MED12L: variants seen among roughly 807,000 people sequenced by gnomAD.
The protein encoded by MED12L is mediator complex subunit 12L.
In MED12L, 60 loss-of-function variants were observed where a neutral mutation model predicts 281.3. That is an observed-to-expected ratio of 0.21 (90% CI 0.17 to 0.26). The LOEUF (loss-of-function observed/expected upper bound fraction) is 0.26, where lower values mean the gene tolerates loss of function less well. Ranked by LOEUF, MED12L falls within the 10% of genes least tolerant of loss-of-function variation. The probability of loss-of-function intolerance (pLI) is 1.00; values close to 1 mark genes in which losing one functional copy is unlikely to be tolerated. For synonymous variants in MED12L, 974 were observed against 987.2 expected (o/e 0.99, Z 0.25); for missense variants, 2,146 against 2,680.9 (o/e 0.80, Z 4.41).
intron 9 of MED12L, 125 bp downstream of exon 9, chr3:151,164,167 A>G: frequency 3.1e-6 from 3 of 956,418 alleles, no homozygotes; most frequent in East Asian, 2.6e-5. Context: ...GCCTGCTAAC[A>G]CTCTGGGTGA....
chr3:151,198,967 T>C (rs1335111171), intron 16 of MED12L: 1 of 1,613,966 alleles, frequency 6.2e-7, no homozygotes, highest in Non-Finnish European at 8.5e-7. Flanking sequence ...GAAGGACCAT[T>C]AGCCACACAA....
chr3:151,285,009 A>G (rs943800457), intron 16 of MED12L, among the ~76,000 whole-genome samples: 1 of 152,182 alleles, frequency 6.6e-6, no homozygotes, highest in African/African-American at 2.4e-5. Context: ...TGTGGTCTGA[A>G]TGTTTGTGTC....
chr3:151,180,038 G>A (rs2149048601), intron 11 of MED12L, among the ~76,000 whole-genome samples: 1 of 152,270 alleles, frequency 6.6e-6, no homozygotes, highest in East Asian at 1.9e-4. Flanking sequence ...TTGGTATCTA[G>A]CTAGTATTGG....
At chr3:151,203,193 CCATTG>C (rs1331732092) in intron 16 of MED12L, 1 of 152,154 alleles carries the variant, frequency 6.6e-6, no homozygotes, top group Non-Finnish European at 1.5e-5. Flanking sequence ...AGTAGCAACC[CCATTG>C]CAGGCTGCTG....
chr3:151,087,974 A>C (rs773961791), intron 2 of MED12L, among the ~76,000 whole-genome samples: 1 of 152,010 alleles, frequency 6.6e-6, no homozygotes, highest in Admixed American at 6.6e-5. Flanking sequence ...TCAGCTAAAC[A>C]CGAACTGACC....
intron 21 of MED12L, 98 bp downstream of exon 21, chr3:151,360,703 T>G: frequency 8.6e-7 from 1 of 1,156,708 alleles, no homozygotes; most frequent in Admixed American, 2.4e-5. Context: ...TGAAAGCTAA[T>G]TGCAATTGTA....
At position 151,192,534 on chromosome 3, in the gene MED12L, C is replaced by T; in HGVS notation, c.1969-16C>T. On this transcript the variant is annotated splice_polypyrimidine_tract_variant and intron_variant, in intron 14 of 44. Coordinates refer to ENST00000687756, the MANE Select transcript of MED12L (RefSeq NM_001393769.1). Reference sequence around the variant, plus strand: ...CAAAACTTACAATGTTACTTTCTTTCTCTGGCGATTATCAGGAACAGAGTA... The same window carrying T: ...CAAAACTTACAATGTTACTTTCTTTTTCTGGCGATTATCAGGAACAGAGTA... 6.7e-7 allele frequency: 1 copy of T among 1,500,814 alleles called. No homozygotes were observed. Among genetic ancestry groups the T allele is most frequent in the Non-Finnish European group, 9.0e-7 (1 of 1,114,934 alleles). 93.0% of individuals were successfully genotyped at this position (1,500,814 alleles called of 1,614,324 possible).
chr3:151,196,957 C>A (rs371286691), intron 16 of MED12L, among the ~76,000 whole-genome samples: 1 of 152,106 alleles, frequency 6.6e-6, no homozygotes, highest in Admixed American at 6.5e-5. Context: ...GATTTACCAG[C>A]GGTTTTTATA....
At chr3:151,102,159 C>T (rs1721466296) in intron 2 of MED12L, among the ~76,000 whole-genome samples, 3 of 152,090 alleles carry the variant, frequency 2.0e-5, no homozygotes, top group Admixed American at 2.0e-4. Flanking sequence ...ATTAAAAGGG[C>T]CCTTGTAGCT....
rs535836726 is a variant in MED12L, at chr3:151,432,702, T to C, written c.6491-50T>C. 7.9e-6 allele frequency: 11 copies of C among 1,386,476 alleles called. No individual in the cohort carries two copies. In the African/African-American group the frequency reaches 1.4e-4, roughly 18 times the overall value. The allele number at this position is 1,386,476 out of a possible 1,614,324, so 85.9% of individuals were successfully genotyped here. A position where few individuals can be genotyped will look rare whatever the true frequency, so the allele number is the denominator to read the frequency against. ...GTGACAAGAGGGTAGCATCCATCTG[T>C]GCAATAGTTTTGTGTCTGTAATTTT... On this transcript the variant is annotated intron_variant, in intron 44 of 44. Transcript: ENST00000687756.
intron 16 of MED12L, among the ~76,000 whole-genome samples, chr3:151,244,303 A>G (rs1577094753): frequency 1.6e-5 from 2 of 125,618 alleles, no homozygotes; most frequent in Non-Finnish European, 3.6e-5. Context: ...CCCCAAATCA[A>G]CAGAATATAC....
intron 5 of MED12L, among the ~76,000 whole-genome samples, chr3:151,146,544 A>G (rs1717785497): frequency 6.6e-6 from 1 of 152,006 alleles, no homozygotes; most frequent in Non-Finnish European, 1.5e-5. Context: ...GATGGGTTTT[A>G]TTTTATTTGA....
chr3:151,310,500 G>A (rs900555577), intron 16 of MED12L, among the ~76,000 whole-genome samples: 1 of 152,170 alleles, frequency 6.6e-6, no homozygotes, highest in African/African-American at 2.4e-5. Context: ...ACTCATGGGA[G>A]AAAGTTATTT....
At chr3:151,182,759 G>A (rs1206134944) in intron 11 of MED12L, among the ~76,000 whole-genome samples, 1 of 152,128 alleles carries the variant, frequency 6.6e-6, no homozygotes, top group Non-Finnish European at 1.5e-5. Context: ...TGTATTTGAG[G>A]GGTAAGATGA....
At chr3:151,321,509 T>C (rs1748995722) in intron 16 of MED12L, among the ~76,000 whole-genome samples, 1 of 151,968 alleles carries the variant, frequency 6.6e-6, no homozygotes, top group Non-Finnish European at 1.5e-5. Context: ...AAAGCTAATA[T>C]TTTTTTTAAA....
chr3:151,306,239 A>G (rs924649833), intron 16 of MED12L, among the ~76,000 whole-genome samples: 1 of 152,048 alleles, frequency 6.6e-6, no homozygotes, highest in African/African-American at 2.4e-5. Context: ...CCATCACTTA[A>G]CCATTTCTTT....
chr3:151,156,236 G>C lies in MED12L; in HGVS notation c.632G>C (p.Ser211Thr). 6.2e-7 allele frequency: 1 copy of C among 1,613,596 alleles called. No individual in the cohort carries two copies. The highest frequency in any genetic ancestry group is 8.5e-7 in the Non-Finnish European group (1 of 1,179,800). Residue 211 changes from serine (S) to threonine (T), a missense_variant, in exon 6 of 45, where the codon AGC becomes ACC. Ser to Thr is a moderately conservative substitution (Grantham distance 58, BLOSUM62 1). Around this residue, in one of 9 missense-constraint regions of MED12L, gnomAD observed 722 missense variants for 861.2 expected, o/e 0.84. Transcript: ENST00000687756. ...TCTGACTTTTACCACATGGCCTCCA[G>C]CACGGGCGATGGCCCTGTCCCTGTG... ...KISDFYHMAS[S>T]TGDGPVPVPP...
At position 151,160,018 on chromosome 3, in the gene MED12L, A is replaced by G. The variant is rs1291762267; in HGVS notation, c.1024A>G (p.Ser342Gly). The change falls in exon 8 of 45, where the codon AGC becomes GGC. Residue 342 changes from serine (S) to glycine (G), a missense_variant. Physicochemically the swap from Ser to Gly is moderately conservative, Grantham distance 56. Transcript: ENST00000687756. ...CCCTGGCCCCCCCGGCCCTGGCATG[A>G]GCCCCGTGCAGCTGGCCTTCTCAGA... ...PSPGPPGPGM[S>G]PVQLAFSDFL... The G allele has an allele frequency of 6.2e-7, 1 of 1,614,120 alleles. No homozygotes were observed. Among genetic ancestry groups the G allele is most frequent in the Non-Finnish European group, 8.5e-7 (1 of 1,179,946 alleles).
In MED12L at chr3:151,382,645, C is replaced by T; in HGVS notation, c.4591-11C>T. 1 of 1,593,822 alleles carries T rather than the reference C, an allele frequency of 6.3e-7. No homozygotes were observed. Among genetic ancestry groups the T allele is most frequent in the Non-Finnish European group, 8.5e-7 (1 of 1,171,078 alleles). ...TTAAACTTTAATGGGGAGTTTTTTT[C>T]CGGATCTTAGATTTTAAGTAACTGG... On this transcript the variant is annotated splice_polypyrimidine_tract_variant and intron_variant, in intron 32 of 44. Coordinates refer to ENST00000687756, the MANE Select transcript of MED12L (RefSeq NM_001393769.1).
Sources: allele counts gnomAD v4.1 joint callset (sites outside exome capture counted in the v4.1 genomes callset), GRCh38; gene constraint gnomAD v4.1.1; regional missense constraint gnomAD v4.1.1; transcripts MANE v1.5; gene names NCBI Gene and HGNC (gene_info 2026-07-23, HGNC 2026-07-21).